The following DIP2C variants were observed in gnomAD, a reference collection of about 807,000 sequenced individuals.
DIP2C encodes the protein DIP2 acetate--CoA ligase C (putative), also known as disco-interacting protein 2 homolog C.
DIP2C carries 33 observed loss-of-function variants against 192.4 expected under a neutral mutation model. The observed-to-expected ratio is 0.17, with a 90% confidence interval of 0.13 to 0.23. The LOEUF (loss-of-function observed/expected upper bound fraction) is 0.23. Among genes scored for constraint, DIP2C ranks in the 10% least tolerant of loss-of-function variants. DIP2C has a pLI of 1.00. For missense variants in DIP2C, 1,537 were observed against 2,110.1 expected (o/e 0.73, Z 5.32); for synonymous variants, 979 against 864.1 (o/e 1.13, Z -2.33).
intron 1 of DIP2C, among the ~76,000 whole-genome samples, chr10:614,913 C>A (rs897616494): frequency 1.3e-5 from 2 of 152,182 alleles, no homozygotes; most frequent in African/African-American, 4.8e-5. Context: ...GGCCCTGACA[C>A]AAGCGTGACC....
At chr10:390,432 T>TTC (rs1963367458) in intron 11 of DIP2C, 59 bp from the exon 12 acceptor site, 1 of 1,508,054 alleles carries the variant, frequency 6.6e-7, no homozygotes, top group South Asian at 1.1e-5. Flanking sequence ...TCTGTAGAAT[T>TTC]TCTCCCCATT....
At chr10:450,856 A>G (rs1357590090) in intron 3 of DIP2C, among the ~76,000 whole-genome samples, 1 of 152,220 alleles carries the variant, frequency 6.6e-6, no homozygotes, top group African/African-American at 2.4e-5. Context: ...AGGCAACTAA[A>G]AAGACGAAGG....
At chr10:444,301 C>T (rs142831300) in intron 3 of DIP2C, among the ~76,000 whole-genome samples, 469 of 112,892 alleles carry the variant, frequency 4.2e-3, no homozygotes, top group African/African-American at 0.027. Context: ...TGTTCCTTGG[C>T]ACTGTTCCGT....
At position 399,867 on chromosome 10, in the gene DIP2C, T is replaced by C. The variant is rs118127226; in HGVS notation, c.1150-648A>G. Among the ~76,000 whole-genome samples the C allele has an allele frequency of 6.1e-3, 924 of 152,272 alleles. 3 individuals carry two copies. The highest frequency in any genetic ancestry group is 0.014 in the Middle Eastern group (4 of 294). On this transcript the variant is annotated intron_variant, in intron 9 of 36. Transcript: ENST00000280886. ...AGTCCCCTGGTGCCACACACGTGCA[T>C]GTGTTGTGGGCCCTGGCCCTGCAGC...
intron 1 of DIP2C, among the ~76,000 whole-genome samples, chr10:616,429 A>G (rs1229707895): frequency 1.3e-5 from 2 of 152,164 alleles, no homozygotes; most frequent in Non-Finnish European, 2.9e-5. Context: ...AGATTTTCTT[A>G]TTTTAGGAAT....
chr10:656,398 A>G (rs1856338107), intron 1 of DIP2C, among the ~76,000 whole-genome samples: 1 of 152,290 alleles, frequency 6.6e-6, no homozygotes, highest in South Asian at 2.1e-4. Context: ...CATTCTATAC[A>G]GTATCAGGCA....
At chr10:420,460 T>C (rs985295197) in intron 5 of DIP2C, among the ~76,000 whole-genome samples, 2 of 152,202 alleles carry the variant, frequency 1.3e-5, no homozygotes, top group Non-Finnish European at 2.9e-5. Context: ...TGCCACGACA[T>C]TCCACCTGGA....
chr10:519,945 C>G (rs1254796333), intron 1 of DIP2C, among the ~76,000 whole-genome samples: 1 of 152,200 alleles, frequency 6.6e-6, no homozygotes, highest in African/African-American at 2.4e-5. Flanking sequence ...CTGCTTCTCC[C>G]AAAGAACCCT....
chr10:530,839 C>A (rs115260887), intron 1 of DIP2C, among the ~76,000 whole-genome samples: 1 of 152,100 alleles, frequency 6.6e-6, no homozygotes. Flanking sequence ...CAAAGCCCCA[C>A]GGCACTAACT....
At chr10:611,265 G>C (rs957629496) in intron 1 of DIP2C, among the ~76,000 whole-genome samples, 1 of 152,150 alleles carries the variant, frequency 6.6e-6, no homozygotes, top group African/African-American at 2.4e-5. Flanking sequence ...CTGATTGTAA[G>C]TTTCCCCAGA....
At chr10:660,136 G>C (rs1856663732) in intron 1 of DIP2C, among the ~76,000 whole-genome samples, 1 of 151,992 alleles carries the variant, frequency 6.6e-6, no homozygotes, top group Non-Finnish European at 1.5e-5. Context: ...CCTTGTCCCT[G>C]TTTCAAGCTC....
intron 2 of DIP2C, among the ~76,000 whole-genome samples, chr10:479,300 T>TGC (rs1843406814): frequency 6.7e-6 from 1 of 149,278 alleles, no homozygotes; most frequent in Admixed American, 6.7e-5. Context: ...TCTAAGCACC[T>TGC]GCCCTAACCC....
At chr10:409,135 C>G in intron 8 of DIP2C, 118 bp from the exon 9 acceptor site, 1 of 952,688 alleles carries the variant, frequency 1.0e-6, no homozygotes. Flanking sequence ...GGTCTGCAAG[C>G]GACTTGAAGT....
In DIP2C at chr10:414,753, ATATAATGTG is replaced by A. The variant is rs1276246088; in HGVS notation, c.860-652_860-644del. Among the ~76,000 whole-genome samples the A allele has an allele frequency of 2.1e-3, 284 of 134,966 alleles. 8 individuals carry two copies. Among genetic ancestry groups the A allele is most frequent in the Middle Eastern group, 0.012 (3 of 242 alleles). The allele number at this position is 134,966 out of a possible 152,430, so 88.5% of individuals were successfully genotyped here. ...TGTGTGTGTGTGTACATATATATAT[ATATAATGTG>A]TATATATATAATGTGTATATATATA... On this transcript the variant is annotated intron_variant, in intron 7 of 36. Transcript: ENST00000280886.
intron 1 of DIP2C, among the ~76,000 whole-genome samples, chr10:534,245 G>A (rs1174444139): frequency 2.6e-5 from 4 of 152,180 alleles, no homozygotes; most frequent in African/African-American, 2.4e-5. Context: ...GGGGACGTGC[G>A]AAACGGGGAG....
At chr10:324,768 C>A (rs1036438913) in intron 31 of DIP2C, 4 of 373,886 alleles carry the variant, frequency 1.1e-5, no homozygotes, top group African/African-American at 8.5e-5. Context: ...CATTCAATAT[C>A]CACCACGTGT....
At chr10:327,700 G>A (rs1256387619) in intron 30 of DIP2C, among the ~76,000 whole-genome samples, 1 of 152,160 alleles carries the variant, frequency 6.6e-6, no homozygotes, top group Non-Finnish European at 1.5e-5. Flanking sequence ...CACCCAGCCT[G>A]AAAACCTACA....
Position 389,974 on chromosome 10 carries a change from A to AG in DIP2C, c.1597+16dup, listed in dbSNP as rs746410984. The AG allele has an allele frequency of 6.2e-7, 1 of 1,604,002 alleles. No homozygotes were observed. On this transcript the variant is annotated intron_variant, in intron 13 of 36. Transcript: ENST00000280886. ...GTTAGAACCAGGGTCCCAAGGAGTC[A>AG]GGGTCTGGCACCCCACCTTCCGTGT...
At position 633,912 on chromosome 10, in the gene DIP2C, C is replaced by G. The variant is rs1854679742; in HGVS notation, c.85+55582G>C. Among the ~76,000 whole-genome samples, 4 of 152,234 alleles carry G rather than the reference C, an allele frequency of 2.6e-5. 1 individual carries two copies. The South Asian group carries it at 8.3e-4, about 31-fold the overall frequency. On this transcript the variant is annotated intron_variant, in intron 1 of 36. Transcript: ENST00000280886. ...CAGGAAAATGCACTCAACTCCCAAA[C>G]AGAGACAGAAACTGCTTTTTTTCCT...
Sources: allele counts gnomAD v4.1 joint callset (sites outside exome capture counted in the v4.1 genomes callset), GRCh38; gene constraint gnomAD v4.1.1; transcripts MANE v1.5; gene names NCBI Gene and HGNC (gene_info 2026-07-23, HGNC 2026-07-21).